The following RGS22 variants were observed in gnomAD, a reference collection of about 807,000 sequenced individuals.
RGS22 encodes regulator of G protein signaling 22, also known as regulator of G-protein signaling 22.
A neutral mutation model predicts 172.9 loss-of-function variants in RGS22; 148 were observed. That is an observed-to-expected ratio of 0.86 (90% confidence interval 0.75 to 0.98). The LOEUF (loss-of-function observed/expected upper bound fraction) is 0.98, where lower values mean the gene tolerates loss of function less well. Among genes scored for constraint, RGS22 ranks in the 50% least tolerant of loss-of-function variants. The pLI is 0.00. For missense variants in RGS22, 1,347 were observed against 1,440.8 expected, an observed-to-expected ratio of 0.93 and a Z score of 1.05; for synonymous variants, 458 against 480.2, an observed-to-expected ratio of 0.95 and a Z score of 0.60.
chr8:100,086,122 T>A (rs1425558843), intron 3 of RGS22, among the ~76,000 whole-genome samples: 2 of 152,068 alleles, frequency 1.3e-5, no homozygotes, highest in East Asian at 1.9e-4. Flanking sequence ...ACAAAAGTAA[T>A]AGCCAATGCA....
chr8:99,977,296 G>C (rs879320539), intron 23 of RGS22, among the ~76,000 whole-genome samples: 1 of 58,586 alleles, frequency 1.7e-5, no homozygotes, highest in Non-Finnish European at 3.5e-5. Flanking sequence ...TTTTTTTTTT[G>C]TATTTCAGTA....
At chr8:99,967,779 G>C (rs1299116903) in intron 23 of RGS22, among the ~76,000 whole-genome samples, 1 of 152,194 alleles carries the variant, frequency 6.6e-6, no homozygotes, top group African/African-American at 2.4e-5. Flanking sequence ...CAGAGCACCT[G>C]GGGGACGGGG....
intron 2 of RGS22, among the ~76,000 whole-genome samples, chr8:100,098,667 C>T (rs1201767748): frequency 2.7e-5 from 4 of 146,034 alleles, no homozygotes; most frequent in African/African-American, 8.2e-5. Flanking sequence ...ACTTTTCCAT[C>T]GGGTTTCTGT....
At chr8:99,973,938 G>C (rs1811648656) in intron 23 of RGS22, among the ~76,000 whole-genome samples, 1 of 151,332 alleles carries the variant, frequency 6.6e-6, no homozygotes, top group Non-Finnish European at 1.5e-5. Flanking sequence ...AACTACCATG[G>C]CACATGTATA....
At chr8:100,080,458 G>T in intron 3 of RGS22, 103 bp from the exon 4 acceptor site, 1 of 773,590 alleles carries the variant, frequency 1.3e-6, no homozygotes. Context: ...ACCTCACAGA[G>T]TTCTGTGTTT....
intron 4 of RGS22, among the ~76,000 whole-genome samples, chr8:100,075,043 T>G (rs1039797044): frequency 6.6e-6 from 1 of 152,196 alleles, no homozygotes; most frequent in African/African-American, 2.4e-5. Flanking sequence ...GTGCTGGGAT[T>G]ACAGGTGTGA....
At chr8:100,029,527 C>A (rs1818538413) in intron 14 of RGS22, among the ~76,000 whole-genome samples, 1 of 151,722 alleles carries the variant, frequency 6.6e-6, no homozygotes, top group Non-Finnish European at 1.5e-5. Context: ...CATGGTGAAA[C>A]CCCGTCTCTA....
intron 10 of RGS22, among the ~76,000 whole-genome samples, chr8:100,049,087 A>G (rs1821017068): frequency 6.6e-6 from 1 of 152,164 alleles, no homozygotes; most frequent in Non-Finnish European, 1.5e-5. Flanking sequence ...CTTAGGTGAA[A>G]GCTAGAAGTA....
At chr8:100,009,343 C>T (rs964396637) in intron 14 of RGS22, among the ~76,000 whole-genome samples, 10 of 150,002 alleles carry the variant, frequency 6.7e-5, no homozygotes, top group East Asian at 4.0e-4. Flanking sequence ...TGCTTGAACC[C>T]GGGCGGCAGA....
intron 14 of RGS22, among the ~76,000 whole-genome samples, chr8:100,024,519 A>G (rs1817963466): frequency 6.6e-6 from 1 of 152,202 alleles, no homozygotes; most frequent in Admixed American, 6.5e-5. Flanking sequence ...TCCTGAGCAT[A>G]CAAGGTAAAC....
In RGS22 at chr8:100,066,198, T is replaced by C; in HGVS notation, c.693A>G (p.Lys231=). Reference sequence around the variant, plus strand: ...CAGATGAAATAGCTGGTGATTTAAGTTTGTTGTAGGGTACACAACAGGGTA... The same window carrying C: ...CAGATGAAATAGCTGGTGATTTAAGCTTGTTGTAGGGTACACAACAGGGTA... The part of the protein sequence containing the change: ...FSLPCCVPYN[K]LKSPAISSVS... Residue 231 remains lysine, a synonymous_variant, in exon 7 of 28, where the codon AAA becomes AAG. Coordinates refer to ENST00000360863, the MANE Select transcript of RGS22 (RefSeq NM_015668.5). 6.2e-7 allele frequency: 1 copy of C among 1,613,140 alleles called. No homozygotes were observed. The highest frequency in any genetic ancestry group is 8.5e-7 in the Non-Finnish European group (1 of 1,179,362).
At chr8:100,047,316 G>A in intron 11 of RGS22, 147 bp downstream of exon 11, 1 of 596,238 alleles carries the variant, frequency 1.7e-6, no homozygotes, top group Non-Finnish European at 2.6e-6. Flanking sequence ...TTCATGCAAA[G>A]TATAAGCCTC....
chr8:100,051,481 A>G (rs1406078914), intron 10 of RGS22, among the ~76,000 whole-genome samples: 2 of 95,906 alleles, frequency 2.1e-5, no homozygotes, highest in African/African-American at 8.2e-5. Context: ...TATTATATAT[A>G]TTTATATATA....
chr8:99,967,656 C>T (rs1034919794), intron 23 of RGS22, among the ~76,000 whole-genome samples: 28 of 152,166 alleles, frequency 1.8e-4, no homozygotes, highest in Admixed American at 6.6e-5. Context: ...TGCAGCAAAG[C>T]AGCTGTGGCC....
chr8:99,975,001 C>T (rs1020344123), intron 23 of RGS22, among the ~76,000 whole-genome samples: 1 of 151,948 alleles, frequency 6.6e-6, no homozygotes, highest in Non-Finnish European at 1.5e-5. Context: ...CAAAAATTAG[C>T]CAGGCGTGGT....
chr8:100,005,617 C>T (rs1443252021), intron 16 of RGS22, among the ~76,000 whole-genome samples: 7 of 152,092 alleles, frequency 4.6e-5, no homozygotes, highest in African/African-American at 1.7e-4. Context: ...TTTTCCCTAT[C>T]GCTGTCACGC....
chr8:100,005,980 T>C (rs532300739), intron 16 of RGS22, 37 bp downstream of exon 16: 3 of 1,533,884 alleles, frequency 2.0e-6, no homozygotes, highest in South Asian at 1.1e-5. Flanking sequence ...CTCTCCAGGA[T>C]AAAAAGTTTG....
Position 100,052,924 on chromosome 8 carries a change from C to T in RGS22, c.1567G>A (p.Glu523Lys), listed in dbSNP as rs1280971774. Reference sequence around the variant, plus strand: ...TGACGGAGGTGCCAGAATTTCAGTTCAGCACTAGCATATTTTGTTGAGGCT... The same window carrying T: ...TGACGGAGGTGCCAGAATTTCAGTTTAGCACTAGCATATTTTGTTGAGGCT... Reference protein sequence around the residue: ...HSASTKYASAELKFWHLRQAK... With the variant: ...HSASTKYASAKLKFWHLRQAK... The change falls in exon 10 of 28, where the codon GAA (glutamate) becomes AAA (lysine). Residue 523 changes from glutamate to lysine, a missense_variant. Physicochemically the swap from Glu to Lys is moderately conservative, Grantham distance 56. Coordinates refer to ENST00000360863, the MANE Select transcript of RGS22 (RefSeq NM_015668.5). 1 of 1,613,898 alleles carries T rather than the reference C, an allele frequency of 6.2e-7. No individual in the cohort carries two copies. The highest frequency in any genetic ancestry group is 2.2e-5 in the East Asian group (1 of 44,854).
chr8:99,991,314 T>C (rs1172960500), intron 20 of RGS22, among the ~76,000 whole-genome samples: 2 of 152,152 alleles, frequency 1.3e-5, no homozygotes, highest in Middle Eastern at 3.4e-3. Flanking sequence ...ATAACAAATT[T>C]CTCTGAGCTA....
Sources: allele counts gnomAD v4.1 joint callset (sites outside exome capture counted in the v4.1 genomes callset), GRCh38; gene constraint gnomAD v4.1.1; transcripts MANE v1.5; gene names NCBI Gene and HGNC (gene_info 2026-07-23, HGNC 2026-07-21).